Variants in MSH6 observed in about 807,000 individuals in gnomAD.
MSH6 encodes the protein DNA mismatch repair protein Msh6.
Under a neutral mutation model 119.1 loss-of-function variants are expected in MSH6, and 85 were observed. The observed-to-expected ratio is 0.71, with a 90% CI of 0.60 to 0.85. The LOEUF is 0.85. MSH6 is among the 40% of genes least tolerant of loss of function. The pLI is 0.00. For missense variants in MSH6, 2,163 were observed against 1,655.3 expected, an observed-to-expected ratio of 1.31 and a Z score of -5.32; for synonymous variants, 830 against 586.9, an observed-to-expected ratio of 1.41 and a Z score of -5.99.
intron 4 of MSH6, 169 bp downstream of exon 4, chr2:47,801,324 C>T (rs548553109): frequency 2.6e-6 from 1 of 381,870 alleles, no homozygotes; most frequent in East Asian, 5.4e-5. Flanking sequence ...TTACTTGAAA[C>T]TCGCTTTTAT....
At chr2:47,806,696 T>G in intron 9 of MSH6, 45 bp downstream of exon 9, 4 of 1,591,334 alleles carry the variant, frequency 2.5e-6, no homozygotes, top group Non-Finnish European at 3.4e-6. Flanking sequence ...TGACCTTAAG[T>G]TTCAAAGAAA....
At position 47,800,070 on chromosome 2, in the gene MSH6, T is replaced by C. The variant is rs587779229; in HGVS notation, c.2087T>C (p.Ile696Thr). 3 of 1,614,160 alleles carry C rather than the reference T, an allele frequency of 1.9e-6. No individual in the cohort carries two copies. The highest frequency in any genetic ancestry group is 1.3e-5 in the African/African-American group (1 of 75,054). The change falls in exon 4 of 10, where the codon ATT becomes ACT. Residue 696 changes from isoleucine to threonine, a missense_variant. Coordinates refer to ENST00000234420, the MANE Select transcript of MSH6 (RefSeq NM_000179.3). ...GCVFYLKKCL[I>T]DQELLSMANF... is the part of the protein sequence containing the mutation. ...GTCTTCTACCTCAAAAAATGCCTTA[T>C]TGATCAGGAGCTTTTATCAATGGCT... is the stretch of plus-strand genomic sequence containing the variant.
At position 47,783,878 on chromosome 2, in the gene MSH6, C is replaced by T. The variant is rs1266895969; in HGVS notation, c.260+385C>T. Reference sequence around the variant, plus strand: ...TGGGGGTGGGGCGAGAAGGGGAAGGCGCCCGGCCCACTTGGTGGGCGGGGC... The same window carrying T: ...TGGGGGTGGGGCGAGAAGGGGAAGGTGCCCGGCCCACTTGGTGGGCGGGGC... On this transcript the variant is annotated intron_variant, in intron 1 of 9. Transcript: ENST00000234420. 8 of 961,396 alleles carry T rather than the reference C, an allele frequency of 8.3e-6. No individual in the cohort carries two copies. The East Asian group carries it at 3.2e-4, about 38-fold the overall frequency. The allele number at this position is 961,396 out of a possible 1,614,324, so 59.6% of individuals were successfully genotyped here. A position where few individuals can be genotyped will look rare whatever the true frequency, so the allele number is the denominator to read the frequency against.
rs587779297 is a variant in MSH6 at position 47,806,603 on chromosome 2, G to GA, written c.3957dup (p.Ala1320SerfsTer5). 1.2e-6 allele frequency: 2 copies of GA among 1,612,872 alleles called. No individual in the cohort carries two copies. Among genetic ancestry groups the GA allele is most frequent in the Non-Finnish European group, 1.7e-6 (2 of 1,179,802 alleles). On this transcript the variant is annotated frameshift_variant, in exon 9 of 10. Coordinates refer to ENST00000234420, the MANE Select transcript of MSH6 (RefSeq NM_000179.3). LOFTEE classifies it high-confidence loss of function. ...GAGGAAGTTATTCAAAAGGGACATA[G>GA]AAAAGCAAGAGAATTTGAGAAGATG...
At chr2:47,806,168 T>C (rs752735008) in intron 7 of MSH6, 36 bp from the exon 8 acceptor site, 1 of 1,593,112 alleles carries the variant, frequency 6.3e-7, no homozygotes, top group Non-Finnish European at 8.6e-7. Context: ...TTTAATTCCT[T>C]TGAGTTACTT....
intron 4 of MSH6, among the ~76,000 whole-genome samples, chr2:47,801,809 T>A (rs1669616741): frequency 1.3e-5 from 2 of 152,000 alleles, no homozygotes; most frequent in South Asian, 4.1e-4. Context: ...CTGCTTTATT[T>A]TTTTGGTGGG....
downstream of MSH6, chr2:47,809,440 TACTC>T (rs754838749): frequency 2.8e-4 from 193 of 688,658 alleles, no homozygotes; most frequent in Non-Finnish European, 4.4e-4. Flanking sequence ...TTGTATAAGA[TACTC>T]CAACCATTTA....
Position 47,800,500 on chromosome 2 carries a change from C to T in MSH6, c.2517C>T (p.Asp839=), listed in dbSNP as rs902748383. 1.2e-5 allele frequency: 20 copies of T among 1,612,888 alleles called. No individual in the cohort carries two copies. The highest frequency in any genetic ancestry group is 1.7e-5 in the Non-Finnish European group (20 of 1,179,760). The change falls in exon 4 of 10, where the codon GAC becomes GAT. Residue 839 remains aspartate, a synonymous_variant. Transcript: ENST00000234420. ...CCCTGAAGAGTCAGAACCACCCAGA[C>T]AGCAGGGCTATAATGTATGAAGAAA... ...GSPLKSQNHP[D]SRAIMYEETT...
In MSH6 at chr2:47,799,030, A is replaced by C. The variant is rs876659112; in HGVS notation, c.1047A>C (p.Gln349His). 6.2e-7 allele frequency: 1 copy of C among 1,614,106 alleles called. No individual in the cohort carries two copies. The highest frequency in any genetic ancestry group is 2.2e-5 in the East Asian group (1 of 44,898). ...AFSAPQNSES[Q>H]AHVSGGGDDS... ...CTGCCCCTCAAAATTCTGAATCCCA[A>C]GCCCACGTTAGTGGAGGTGGTGATG... Residue 349 changes from glutamine (Q) to histidine (H), a missense_variant, in exon 4 of 10, where the codon CAA (glutamine) becomes CAC (histidine). Gln to His is a conservative substitution (Grantham distance 24, BLOSUM62 0). Coordinates refer to ENST00000234420, the MANE Select transcript of MSH6 (RefSeq NM_000179.3).
chr2:47,802,320 T>A (rs1026358702), intron 4 of MSH6, among the ~76,000 whole-genome samples: 26 of 152,066 alleles, frequency 1.7e-4, no homozygotes, highest in Admixed American at 1.3e-3. Flanking sequence ...TTTTATAGTT[T>A]AGGTTTATGT....
Position 47,803,528 on chromosome 2 carries a change from C to T in MSH6, c.3281C>T (p.Ser1094Leu), listed in dbSNP as rs774147100. The T allele has an allele frequency of 6.2e-7, 1 of 1,614,068 alleles. No individual in the cohort carries two copies. Among genetic ancestry groups the T allele is most frequent in the South Asian group, 1.1e-5 (1 of 91,072 alleles). ...CCCCCCTTCTTAGAGCTTAAAGGAT[C>T]ACGCCATCCTTGCATTACGAAGACT... ...DTPPFLELKG[S>L]RHPCITKTFF... Residue 1094 changes from serine to leucine, a missense_variant, in exon 5 of 10, where the codon TCA becomes TTA. Coordinates refer to ENST00000234420, the MANE Select transcript of MSH6 (RefSeq NM_000179.3).
At chr2:47,791,627 C>T (rs1668734080) in intron 2 of MSH6, among the ~76,000 whole-genome samples, 1 of 151,662 alleles carries the variant, frequency 6.6e-6, no homozygotes, top group South Asian at 2.1e-4. Context: ...TTTAGCCTCA[C>T]TTGGGCTAGG....
At chr2:47,806,054 T>C in intron 7 of MSH6, 150 bp from the exon 8 acceptor site, 11 of 784,042 alleles carry the variant, frequency 1.4e-5, no homozygotes, top group Non-Finnish European at 2.4e-5. Context: ...CTAAGCAGAC[T>C]CGTGTAGCTA....
In MSH6 at chr2:47,799,539, A is replaced by G. The variant is rs1285168531; in HGVS notation, c.1556A>G (p.Lys519Arg). The change falls in exon 4 of 10, where the codon AAG (lysine) becomes AGG (arginine). Residue 519 changes from lysine to arginine, a missense_variant. Lys to Arg is a conservative substitution (Grantham distance 26). Coordinates refer to ENST00000234420, the MANE Select transcript of MSH6 (RefSeq NM_000179.3). ...VRREICRIIT[K>R]GTQTYSVLEG... The stretch of plus-strand genomic sequence containing the variant: ...AGGGAGATCTGTAGGATCATTACCA[A>G]GGGTACACAGACTTACAGTGTGCTG... 4 of 1,614,214 alleles carry G rather than the reference A, an allele frequency of 2.5e-6. No homozygotes were observed. The highest frequency in any genetic ancestry group is 2.5e-6 in the Non-Finnish European group (3 of 1,180,026).
chr2:47,796,302 A>G (rs1324916017), intron 3 of MSH6, among the ~76,000 whole-genome samples: 1 of 152,206 alleles, frequency 6.6e-6, no homozygotes, highest in Non-Finnish European at 1.5e-5. Flanking sequence ...GGTAAGCAAG[A>G]GGTAGTACCA....
chr2:47,795,422 A>ATGTGTGTGTGTGTGTGTGTG (rs10699372), intron 2 of MSH6, among the ~76,000 whole-genome samples: 142 of 141,726 alleles, frequency 1.0e-3, no homozygotes, highest in Non-Finnish European at 1.4e-3. Flanking sequence ...AAGTTATTTT[A>ATGTGTGTGTGTGTGTGTGTG]TGTGTGTGTG....
At chr2:47,794,745 T>A (rs985439189) in intron 2 of MSH6, among the ~76,000 whole-genome samples, 1 of 152,174 alleles carries the variant, frequency 6.6e-6, no homozygotes, top group East Asian at 1.9e-4. Context: ...CAAACTCATA[T>A]TTAATATCAT....
chr2:47,805,502 G>T (rs1039884451), intron 6 of MSH6, 116 bp from the exon 7 acceptor site: 8 of 794,732 alleles, frequency 1.0e-5, no homozygotes, highest in South Asian at 5.8e-5. Flanking sequence ...CTCTTAATGA[G>T]ATTTAATCTT....
rs63749874 is a variant in MSH6, at chr2:47,799,615, AAAAG to A, written c.1634_1637del (p.Lys545ArgfsTer25). ...GTAAGTATCTTCTTAGCCTCAAAGA[AAAAG>A]AGGAAGATTCTTCTGGCCATACTCG... On this transcript the variant is annotated frameshift_variant, in exon 4 of 10. Transcript: ENST00000234420. LOFTEE classifies it high-confidence loss of function. 3.7e-6 allele frequency: 6 copies of A among 1,614,162 alleles called. No individual in the cohort carries two copies. The highest frequency in any genetic ancestry group is 4.2e-6 in the Non-Finnish European group (5 of 1,180,024).
Sources: allele counts gnomAD v4.1 joint callset (sites outside exome capture counted in the v4.1 genomes callset), GRCh38; gene constraint gnomAD v4.1.1; transcripts MANE v1.5; gene names NCBI Gene and HGNC (gene_info 2026-07-23, HGNC 2026-07-21).